RGS7: variants seen among roughly 807,000 people sequenced by gnomAD.
RGS7 encodes the protein regulator of G-protein signaling 7.
RGS7 carries 27 observed loss-of-function variants against 81.1 expected under a neutral mutation model. That is an observed-to-expected ratio of 0.33 (90% CI 0.25 to 0.46). RGS7 has a LOEUF of 0.46. Among genes scored for constraint, RGS7 ranks in the 20% least tolerant of loss-of-function variants. RGS7 has a pLI of 1.00. For missense variants in RGS7, 396 were observed against 607.4 expected (o/e 0.65, Z 3.66); for synonymous variants, 208 against 207.7 (o/e 1.00, Z -0.01).
At chr1:240,891,649 T>TA (rs1463129639) in intron 6 of RGS7, among the ~76,000 whole-genome samples, 3 of 152,350 alleles carry the variant, frequency 2.0e-5, no homozygotes, top group Non-Finnish European at 4.4e-5. Flanking sequence ...TAGAGATATA[T>TA]AATTCAGACC....
intron 2 of RGS7, among the ~76,000 whole-genome samples, chr1:241,167,785 T>G (rs917947642): frequency 2.0e-5 from 3 of 152,098 alleles, no homozygotes; most frequent in African/African-American, 4.8e-5. Context: ...CCCAAAGTAC[T>G]GGGATTACAG....
chr1:241,003,295 A>C (rs2058507836), intron 3 of RGS7, among the ~76,000 whole-genome samples: 1 of 151,984 alleles, frequency 6.6e-6, no homozygotes, highest in South Asian at 2.1e-4. Flanking sequence ...CCCTGTCTCT[A>C]CTAAAAATAC....
At chr1:241,087,002 G>A (rs2063489371) in intron 3 of RGS7, among the ~76,000 whole-genome samples, 1 of 152,120 alleles carries the variant, frequency 6.6e-6, no homozygotes, top group Non-Finnish European at 1.5e-5. Context: ...GCAGCCCTCT[G>A]GGTTTACCTC....
At chr1:240,941,404 G>C (rs187893882) in intron 4 of RGS7, among the ~76,000 whole-genome samples, 2 of 139,578 alleles carry the variant, frequency 1.4e-5, no homozygotes, top group Admixed American at 1.3e-4. Flanking sequence ...AGAAAGTTGG[G>C]GTGAATTTTT....
chr1:241,067,052 T>C (rs1474308195), intron 3 of RGS7, among the ~76,000 whole-genome samples: 2 of 152,332 alleles, frequency 1.3e-5, no homozygotes, highest in South Asian at 2.1e-4. Context: ...AAGTTGCCCA[T>C]AGTGTGTCCT....
In RGS7 at chr1:241,267,667, A is replaced by G. The variant is rs564516926; in HGVS notation, c.78+88032T>C. On this transcript the variant is annotated intron_variant, in intron 2 of 18. Coordinates refer to ENST00000440928, the MANE Select transcript of RGS7 (RefSeq NM_001364886.1). Reference sequence around the variant, plus strand: ...TCACATCTTTTCTCTACTCTCATCAATTTCTTTGCCTTTTATTTTACTCTC... The same window carrying G: ...TCACATCTTTTCTCTACTCTCATCAGTTTCTTTGCCTTTTATTTTACTCTC... Among the ~76,000 whole-genome samples the G allele has an allele frequency of 6.2e-4, 94 of 152,028 alleles. 2 individuals are homozygous for G. The highest frequency in any genetic ancestry group is 3.5e-4 in the Non-Finnish European group (24 of 67,994).
rs375521744 is a variant in RGS7, at chr1:241,337,463, A to T, written c.78+18236T>A. On this transcript the variant is annotated intron_variant, in intron 2 of 18. Coordinates refer to ENST00000440928, the MANE Select transcript of RGS7 (RefSeq NM_001364886.1). Reference sequence around the variant, plus strand: ...ATGGAAGCCCCACTGGTTCCTGCACAATTTTTCTTAGCATACTGTATGTTG... The same window carrying T: ...ATGGAAGCCCCACTGGTTCCTGCACTATTTTTCTTAGCATACTGTATGTTG... Among the ~76,000 whole-genome samples the T allele has an allele frequency of 4.6e-5, 7 of 152,222 alleles. No homozygotes were observed. The East Asian group carries it at 1.2e-3, about 25-fold the overall frequency.
intron 3 of RGS7, among the ~76,000 whole-genome samples, chr1:241,075,794 T>C (rs958480295): frequency 6.6e-6 from 1 of 152,172 alleles, no homozygotes; most frequent in African/African-American, 2.4e-5. Flanking sequence ...TTCATGAAGA[T>C]GTCTGGGTTA....
intron 3 of RGS7, among the ~76,000 whole-genome samples, chr1:241,053,129 C>A (rs548586568): frequency 1.3e-5 from 2 of 152,220 alleles, no homozygotes; most frequent in East Asian, 1.9e-4. Context: ...AAGTGGTTCA[C>A]CAGAATCCAG....
intron 10 of RGS7, among the ~76,000 whole-genome samples, chr1:240,819,856 A>G (rs1397479464): frequency 1.3e-5 from 2 of 152,230 alleles, no homozygotes; most frequent in Non-Finnish European, 2.9e-5. Flanking sequence ...GTTACTGCAG[A>G]GTTTCCATTT....
At chr1:241,308,279 A>T (rs946856368) in intron 2 of RGS7, among the ~76,000 whole-genome samples, 71 of 152,214 alleles carry the variant, frequency 4.7e-4, no homozygotes, top group Admixed American at 1.4e-3. Flanking sequence ...TCCATTGAGA[A>T]TAGAAGTAGT....
rs191861445 is a variant in RGS7, at chr1:241,288,442, A to C, written c.78+67257T>G. Among the ~76,000 whole-genome samples, 674 of 152,278 alleles carry C rather than the reference A, an allele frequency of 4.4e-3. 3 individuals are homozygous for C. The highest frequency in any genetic ancestry group is 0.031 in the Middle Eastern group (9 of 294). On this transcript the variant is annotated intron_variant, in intron 2 of 18. Coordinates refer to ENST00000440928, the MANE Select transcript of RGS7 (RefSeq NM_001364886.1). The stretch of plus-strand genomic sequence containing the variant: ...AAGTATGCCTGTTATTGTTCCTCAG[A>C]GAAGGATTTCTGGAGGACATGAGTA...
rs1226802220 is a variant in RGS7 at position 240,782,735 on chromosome 1, T to G, written c.*7-6522A>C. 3.9e-5 allele frequency among the ~76,000 whole-genome samples: 6 copies of G among 152,292 alleles called. No individual in the cohort carries two copies. In the East Asian group the frequency reaches 1.2e-3, roughly 29 times the overall value. On this transcript the variant is annotated intron_variant, in intron 18 of 18. Transcript: ENST00000440928. ...CTGTGCCCGACCAAATATGAGACAT[T>G]TTTATAGCTAAGTTTTAAAGTCTTA...
intron 4 of RGS7, among the ~76,000 whole-genome samples, chr1:240,965,475 GTT>G (rs1174122841): frequency 6.6e-6 from 1 of 152,216 alleles, no homozygotes; most frequent in Non-Finnish European, 1.5e-5. Context: ...TTTAGTAGTA[GTT>G]CCTTAAGACA....
At chr1:241,083,687 T>A (rs985063572) in intron 3 of RGS7, among the ~76,000 whole-genome samples, 3 of 152,216 alleles carry the variant, frequency 2.0e-5, no homozygotes, top group African/African-American at 4.8e-5. Flanking sequence ...GAACTACCAA[T>A]ATTTTTAGTA....
intron 6 of RGS7, among the ~76,000 whole-genome samples, chr1:240,915,545 C>T (rs969125649): frequency 1.3e-5 from 2 of 152,164 alleles, no homozygotes; most frequent in Non-Finnish European, 2.9e-5. Flanking sequence ...AAAACAAGGA[C>T]ATCAGAGGAG....
At chr1:241,235,129 T>G (rs562519885) in intron 2 of RGS7, among the ~76,000 whole-genome samples, 1 of 152,344 alleles carries the variant, frequency 6.6e-6, no homozygotes, top group Admixed American at 6.5e-5. Flanking sequence ...TAATTGACTA[T>G]AATAATAGAT....
intron 2 of RGS7, among the ~76,000 whole-genome samples, chr1:241,300,542 T>A (rs576754696): frequency 2.6e-5 from 4 of 152,352 alleles, no homozygotes; most frequent in Non-Finnish European, 5.9e-5. Flanking sequence ...CAGATAGACT[T>A]CTTTCACTTA....
intron 3 of RGS7, among the ~76,000 whole-genome samples, chr1:241,068,257 T>TATATATAA (rs1433690559): frequency 0.015 from 1,110 of 73,156 alleles, 206 homozygotes; most frequent in Middle Eastern, 0.029. Flanking sequence ...TATATATATA[T>TATATATAA]AAAATATTGT....
Sources: allele counts gnomAD v4.1 joint callset (sites outside exome capture counted in the v4.1 genomes callset), GRCh38; gene constraint gnomAD v4.1.1; transcripts MANE v1.5; gene names NCBI Gene and HGNC (gene_info 2026-07-23, HGNC 2026-07-21).